HSD17B11: variants seen among roughly 807,000 people sequenced by gnomAD.
HSD17B11 encodes hydroxysteroid 17-beta dehydrogenase 11, also known as estradiol 17-beta-dehydrogenase 11.
A neutral mutation model predicts 27.8 loss-of-function variants in HSD17B11; 22 were observed. That is an observed-to-expected ratio of 0.79 (90% CI 0.56 to 1.13). The LOEUF (loss-of-function observed/expected upper bound fraction) is 1.13, where lower values mean the gene tolerates loss of function less well. Ranked by LOEUF, HSD17B11 falls within the 50% of genes most tolerant of loss-of-function variation. HSD17B11 has a pLI of 0.00. For synonymous variants in HSD17B11, 117 were observed against 132.8 expected, an observed-to-expected ratio of 0.88 and a Z score of 0.82; for missense variants, 314 against 351.1, an observed-to-expected ratio of 0.89 and a Z score of 0.84.
chr4:87,385,517 A>G (rs1028162438), intron 1 of HSD17B11, among the ~76,000 whole-genome samples: 1 of 152,226 alleles, frequency 6.6e-6, no homozygotes. Context: ...AGATCACTGC[A>G]TAATAAGGTA....
At chr4:87,344,899 A>C (rs1213750940) in intron 5 of HSD17B11, among the ~76,000 whole-genome samples, 1 of 152,226 alleles carries the variant, frequency 6.6e-6, no homozygotes, top group African/African-American at 2.4e-5. Context: ...ATAAGCAATG[A>C]GACAAATGAG....
chr4:87,360,363 C>T (rs562000658), intron 4 of HSD17B11, among the ~76,000 whole-genome samples: 7 of 152,260 alleles, frequency 4.6e-5, no homozygotes, highest in East Asian at 1.9e-4. Flanking sequence ...CTCTCAGATC[C>T]GGTGTTTATC....
intron 4 of HSD17B11, among the ~76,000 whole-genome samples, chr4:87,358,537 ACAAAG>A (rs1276932103): frequency 6.6e-6 from 1 of 152,192 alleles, no homozygotes; most frequent in Non-Finnish European, 1.5e-5. Context: ...CATATGTCAC[ACAAAG>A]CATTCACTTA....
At chr4:87,382,398 G>T in intron 1 of HSD17B11, 36 bp from the exon 2 acceptor site, 1 of 1,220,752 alleles carries the variant, frequency 8.2e-7, no homozygotes. Context: ...GGTAATAATT[G>T]ATATGAACAT....
intron 4 of HSD17B11, among the ~76,000 whole-genome samples, chr4:87,371,282 G>T (rs961785925): frequency 6.6e-6 from 1 of 152,218 alleles, no homozygotes; most frequent in Non-Finnish European, 1.5e-5. Context: ...ATGCAGCCAT[G>T]AAAATGATCA....
At position 87,337,377 on chromosome 4, in the gene HSD17B11, G is replaced by C; in HGVS notation, c.813-11C>G. 7.1e-7 allele frequency: 1 copy of C among 1,411,634 alleles called. No homozygotes were observed. The highest frequency in any genetic ancestry group is 9.9e-7 in the Non-Finnish European group (1 of 1,005,820). The allele number at this position is 1,411,634 out of a possible 1,614,324, so 87.4% of individuals were successfully genotyped here. ...CGCTCAGGAAGGATCCTAAAAGAAA[G>C]ATATATGCAAATAATTAGAAAATTA... On this transcript the variant is annotated splice_polypyrimidine_tract_variant and intron_variant, in intron 6 of 6. Coordinates refer to ENST00000358290, the MANE Select transcript of HSD17B11 (RefSeq NM_016245.5).
At chr4:87,364,391 C>T (rs558993880) in intron 4 of HSD17B11, among the ~76,000 whole-genome samples, 30 of 151,930 alleles carry the variant, frequency 2.0e-4, no homozygotes, top group African/African-American at 5.6e-4. Context: ...TGTTATCTGA[C>T]GGTTTTGAGT....
At chr4:87,363,131 T>A (rs562804330) in intron 4 of HSD17B11, among the ~76,000 whole-genome samples, 33 of 151,698 alleles carry the variant, frequency 2.2e-4, no homozygotes, top group Admixed American at 1.8e-3. Context: ...AAAAAAAAAA[T>A]TTTTTTCCTT....
rs2110137491 is a variant in HSD17B11 at position 87,390,995 on chromosome 4, A to G, written c.76T>C (p.Phe26Leu). The change falls in exon 1 of 7, where the codon TTT (phenylalanine) becomes CTT (leucine). Residue 26 changes from phenylalanine (F) to leucine (L), a missense_variant. Phe to Leu is a conservative substitution (Grantham distance 22, BLOSUM62 0). Transcript: ENST00000358290. ...ACTGATTTTCTCCTCTTAGGAATAA[A>G]AAGCTTCACGAAGGACTCTAGGGAG... is the stretch of plus-strand genomic sequence containing the variant. Reference protein sequence around the residue: ...VCSLESFVKLFIPKRRKSVTG... With the variant: ...VCSLESFVKLLIPKRRKSVTG... The G allele has an allele frequency of 1.2e-6, 2 of 1,614,164 alleles. No homozygotes were observed. Among genetic ancestry groups the G allele is most frequent in the Admixed American group, 1.7e-5 (1 of 60,018 alleles).
chr4:87,355,221 G>A (rs2110116367), intron 5 of HSD17B11, among the ~76,000 whole-genome samples: 1 of 152,066 alleles, frequency 6.6e-6, no homozygotes, highest in Admixed American at 6.5e-5. Context: ...TATCAGTGAG[G>A]AAAATGATGT....
At chr4:87,358,293 CA>C (rs1274717454) in intron 4 of HSD17B11, among the ~76,000 whole-genome samples, 3 of 152,050 alleles carry the variant, frequency 2.0e-5, no homozygotes, top group Non-Finnish European at 4.4e-5. Context: ...CTGTTTCCCA[CA>C]CCTTTCCTAT....
At chr4:87,338,476 T>C (rs1351682912) in intron 6 of HSD17B11, among the ~76,000 whole-genome samples, 1 of 152,210 alleles carries the variant, frequency 6.6e-6, no homozygotes, top group Admixed American at 6.5e-5. Flanking sequence ...ATAGTAGTAG[T>C]TATAATAACA....
rs750756975 is a variant in HSD17B11, at chr4:87,372,842, A to G, written c.451-27T>C. ...TACAAATAGTTTTTATTAAAAGAGA[A>G]AAAATACTGTATTTCAGACTCACAG... On this transcript the variant is annotated intron_variant, in intron 3 of 6. Coordinates refer to ENST00000358290, the MANE Select transcript of HSD17B11 (RefSeq NM_016245.5). 7 of 1,368,486 alleles carry G rather than the reference A, an allele frequency of 5.1e-6. No homozygotes were observed. The East Asian group carries it at 6.8e-5, about 13-fold the overall frequency. The allele number at this position is 1,368,486 out of a possible 1,614,324, so 84.8% of individuals were successfully genotyped here.
intron 2 of HSD17B11, among the ~76,000 whole-genome samples, chr4:87,379,833 ATTATAC>A (rs1411900060): frequency 1.4e-5 from 2 of 143,814 alleles, no homozygotes; most frequent in African/African-American, 2.6e-5. Context: ...TAGTATATGT[ATTATAC>A]TATTATATAT....
chr4:87,377,318 C>T (rs754429994), intron 2 of HSD17B11, among the ~76,000 whole-genome samples: 4 of 151,172 alleles, frequency 2.6e-5, no homozygotes, highest in African/African-American at 9.7e-5. Context: ...GGCGTGGTGA[C>T]GTGCACCTGT....
chr4:87,380,363 C>G (rs1248528104), intron 2 of HSD17B11, among the ~76,000 whole-genome samples: 1 of 146,790 alleles, frequency 6.8e-6, no homozygotes, highest in African/African-American at 2.5e-5. Context: ...ATCCCAGCTA[C>G]TCGAGAGGCT....
intron 2 of HSD17B11, among the ~76,000 whole-genome samples, chr4:87,381,277 A>G (rs1238603876): frequency 6.6e-6 from 1 of 151,816 alleles, no homozygotes; most frequent in Admixed American, 6.6e-5. Flanking sequence ...TTTATACTGC[A>G]CTGAATTAGA....
At chr4:87,357,771 T>C (rs1171556833) in intron 4 of HSD17B11, among the ~76,000 whole-genome samples, 2 of 152,138 alleles carry the variant, frequency 1.3e-5, no homozygotes, top group African/African-American at 2.4e-5. Flanking sequence ...AAGATGTCCA[T>C]AGAATTTGCT....
At chr4:87,371,501 G>C (rs1390065350) in intron 4 of HSD17B11, among the ~76,000 whole-genome samples, 1 of 152,146 alleles carries the variant, frequency 6.6e-6, no homozygotes, top group Non-Finnish European at 1.5e-5. Flanking sequence ...TGACCTGCAT[G>C]GTAGTTAAAT....
Sources: gnomAD v4.1 joint callset for allele counts (sites outside exome capture counted in the v4.1 genomes callset) on GRCh38, gnomAD v4.1.1 for gene constraint, MANE v1.5 for transcripts, NCBI Gene and HGNC (gene_info 2026-07-23, HGNC 2026-07-21) for gene names.